SPTLC3: variants seen among roughly 807,000 people sequenced by gnomAD.
The protein encoded by SPTLC3 is serine palmitoyltransferase 3.
A neutral mutation model predicts 59.3 loss-of-function variants in SPTLC3; 36 were observed. The observed-to-expected ratio is 0.61, with a 90% CI of 0.47 to 0.80. SPTLC3 has a LOEUF of 0.80. Ranked by LOEUF, SPTLC3 falls within the 30% of genes least tolerant of loss-of-function variation. SPTLC3 has a pLI of 0.00. For missense variants in SPTLC3, 625 were observed against 685.1 expected, an observed-to-expected ratio of 0.91 and a Z score of 0.98; for synonymous variants, 257 against 240.8, an observed-to-expected ratio of 1.07 and a Z score of -0.62.
intron 6 of SPTLC3, 135 bp downstream of exon 6, chr20:13,093,712 C>G (rs952330985): frequency 1.4e-6 from 1 of 734,276 alleles, no homozygotes; most frequent in African/African-American, 1.8e-5. Flanking sequence ...ATATTCACTC[C>G]TGGCTTGTTA....
At chr20:13,163,932 T>C (rs2038946324) in intron 11 of SPTLC3, among the ~76,000 whole-genome samples, 1 of 152,140 alleles carries the variant, frequency 6.6e-6, no homozygotes, top group Non-Finnish European at 1.5e-5. Context: ...ACTTTAAGTT[T>C]TAGGGTACAT....
intron 1 of SPTLC3, among the ~76,000 whole-genome samples, chr20:13,023,657 C>T (rs895621215): frequency 6.6e-6 from 1 of 152,144 alleles, no homozygotes; most frequent in Admixed American, 6.5e-5. Context: ...TGTTGGACAG[C>T]ATGGCTACTA....
chr20:13,079,907 T>C lies in SPTLC3; in HGVS notation c.607+5410T>C, dbSNP rs868087432. On this transcript the variant is annotated intron_variant, in intron 4 of 11. Transcript: ENST00000399002. ...TCCCAACCCAACCACCTGCCACAGC[T>C]GTTTGCCCTTCAGGCTTCTCAAGCC... 6.9e-5 allele frequency: 25 copies of C among 364,780 alleles called. No homozygotes were observed. In the Middle Eastern group the frequency reaches 0.011, roughly 167 times the overall value. 22.6% of individuals were successfully genotyped at this position (364,780 alleles called of 1,614,324 possible). A position where few individuals can be genotyped will look rare whatever the true frequency, so the allele number is the denominator to read the frequency against.
chr20:13,028,575 A>G (rs1290000542), intron 1 of SPTLC3, among the ~76,000 whole-genome samples: 9 of 152,204 alleles, frequency 5.9e-5, no homozygotes, highest in Non-Finnish European at 1.2e-4. Context: ...CTTATATGTT[A>G]CACATATATA....
chr20:13,164,295 C>T, intron 11 of SPTLC3: 3 of 467,672 alleles, frequency 6.4e-6, no homozygotes, highest in Non-Finnish European at 4.4e-6. Flanking sequence ...CCTGGGGTAG[C>T]ATGAGAGGAC....
intron 10 of SPTLC3, among the ~76,000 whole-genome samples, chr20:13,156,925 TC>T (rs2038781739): frequency 6.6e-6 from 1 of 152,186 alleles, no homozygotes; most frequent in Non-Finnish European, 1.5e-5. Context: ...TAGGTAAAGA[TC>T]CTGCTACACT....
At chr20:13,036,458 C>A (rs987685922) in intron 1 of SPTLC3, among the ~76,000 whole-genome samples, 22 of 152,008 alleles carry the variant, frequency 1.4e-4, no homozygotes, top group African/African-American at 5.3e-4. Flanking sequence ...CATGTCCTCT[C>A]CCTTATGATT....
intron 10 of SPTLC3, among the ~76,000 whole-genome samples, chr20:13,156,368 T>C (rs2038768706): frequency 6.6e-6 from 1 of 152,182 alleles, no homozygotes. Context: ...AACAAATGCA[T>C]GTAACTTCAA....
intron 2 of SPTLC3, chr20:13,049,341 C>A: frequency 1.9e-6 from 1 of 535,816 alleles, no homozygotes; most frequent in South Asian, 2.0e-5. Flanking sequence ...TACTATTTGC[C>A]ACATACCAAA....
At chr20:13,107,571 G>A (rs1033046052) in intron 6 of SPTLC3, among the ~76,000 whole-genome samples, 9 of 152,126 alleles carry the variant, frequency 5.9e-5, no homozygotes, top group African/African-American at 2.2e-4. Context: ...CAGGATATCA[G>A]GAGGCCTGTT....
chr20:13,164,532 G>A, intron 11 of SPTLC3: 1 of 576,340 alleles, frequency 1.7e-6, no homozygotes, highest in East Asian at 3.2e-5. Context: ...AACATTCATA[G>A]TATGGAGTTA....
chr20:13,141,567 T>A (rs1385250549), intron 9 of SPTLC3, among the ~76,000 whole-genome samples: 1 of 152,178 alleles, frequency 6.6e-6, no homozygotes, highest in African/African-American at 2.4e-5. Flanking sequence ...ACAAGAGGCA[T>A]CTACAAAAAA....
intron 1 of SPTLC3, among the ~76,000 whole-genome samples, chr20:13,033,485 A>T (rs1441606988): frequency 2.0e-5 from 3 of 152,154 alleles, no homozygotes; most frequent in East Asian, 1.9e-4. Context: ...AGAGGCTTTT[A>T]TGAGCTAGTC....
chr20:13,032,435 G>A (rs1487700666), intron 1 of SPTLC3, among the ~76,000 whole-genome samples: 1 of 152,158 alleles, frequency 6.6e-6, no homozygotes, highest in Non-Finnish European at 1.5e-5. Flanking sequence ...GAAAGACAAA[G>A]TCTGGCTTAC....
chr20:13,122,514 G>C (rs6078926), intron 8 of SPTLC3, among the ~76,000 whole-genome samples: 45,417 of 152,054 alleles, frequency 0.3, 6,934 homozygotes, highest in Admixed American at 0.34. Flanking sequence ...TGGGGCTCCA[G>C]AGCCAGCTTC....
chr20:13,158,133 T>G (rs2038816226), intron 10 of SPTLC3, among the ~76,000 whole-genome samples: 1 of 152,232 alleles, frequency 6.6e-6, no homozygotes, highest in Non-Finnish European at 1.5e-5. Flanking sequence ...TGTAATACAC[T>G]TGGAAGATGG....
Position 13,093,386 on chromosome 20 carries a change from T to C in SPTLC3, c.733-98T>C, listed in dbSNP as rs867705317. 5.6e-5 allele frequency: 60 copies of C among 1,073,896 alleles called. No individual in the cohort carries two copies. In the African/African-American group the frequency reaches 7.3e-4, roughly 13 times the overall value. 66.5% of individuals were successfully genotyped at this position (1,073,896 alleles called of 1,614,324 possible). On this transcript the variant is annotated intron_variant, in intron 5 of 11. Coordinates refer to ENST00000399002, the MANE Select transcript of SPTLC3 (RefSeq NM_018327.4). The stretch of plus-strand genomic sequence containing the variant: ...TTAAAATTAAAGTGAGTTTTAGAAA[T>C]TGTGTTATAGGTTTTAGAGTGTCTT...
At chr20:13,150,157 A>G (rs1328126955) in intron 9 of SPTLC3, among the ~76,000 whole-genome samples, 1 of 152,034 alleles carries the variant, frequency 6.6e-6, no homozygotes, top group Non-Finnish European at 1.5e-5. Flanking sequence ...TCTGTCCACA[A>G]TCTCCCCCTA....
intron 6 of SPTLC3, among the ~76,000 whole-genome samples, chr20:13,095,395 G>T (rs1989375471): frequency 6.6e-6 from 1 of 152,126 alleles, no homozygotes; most frequent in South Asian, 2.1e-4. Context: ...CATAATGCTA[G>T]CTGCACAATA....
Sources: allele counts gnomAD v4.1 joint callset (sites outside exome capture counted in the v4.1 genomes callset), GRCh38; gene constraint gnomAD v4.1.1; transcripts MANE v1.5; gene names NCBI Gene and HGNC (gene_info 2026-07-23, HGNC 2026-07-21).